The following FAM98C variants were observed in gnomAD, a reference collection of about 807,000 sequenced individuals.
FAM98C encodes tRNA splicing ligase complex subunit 3C.
Under a neutral mutation model 41.1 loss-of-function variants are expected in FAM98C, and 38 were observed. The ratio of observed to expected loss-of-function variants is 0.92; its 90% CI spans 0.71 to 1.21. The LOEUF (loss-of-function observed/expected upper bound fraction) is 1.21. Ranked by LOEUF, FAM98C falls within the 50% of genes most tolerant of loss-of-function variation. The pLI is 0.00. For synonymous variants in FAM98C, 195 were observed against 216.7 expected, an observed-to-expected ratio of 0.90 and a Z score of 0.88; for missense variants, 493 against 484.7, an observed-to-expected ratio of 1.02 and a Z score of -0.16.
In FAM98C at chr19:38,403,493, A is replaced by G; in HGVS notation, c.214+7A>G. 5 of 1,409,328 alleles carry G rather than the reference A, an allele frequency of 3.5e-6. No homozygotes were observed. The highest frequency in any genetic ancestry group is 4.6e-6 in the Non-Finnish European group (5 of 1,091,874). The allele number at this position is 1,409,328 out of a possible 1,614,324, so 87.3% of individuals were successfully genotyped here. On this transcript the variant is annotated splice_region_variant and intron_variant, in intron 2 of 7. Coordinates refer to ENST00000252530, the MANE Select transcript of FAM98C (RefSeq NM_174905.4). ...GTGCTGAGCGCCGGCGACGGTAAAC[A>G]CGGAGCGGGAGGGTGGCAGGGGGGC...
rs3745957 is a variant in FAM98C, at chr19:38,403,216, G to T, written c.63G>T (p.Leu21=). Residue 21 remains leucine, a splice_region_variant and synonymous_variant, in exon 1 of 8, where the codon CTG becomes CTT. Coordinates refer to ENST00000252530, the MANE Select transcript of FAM98C (RefSeq NM_174905.4). ...CGGTGGCCCAGGACCTGCTGGCTCTGGGGTAAAAGGGTGTGCGGTGAGGCT... is the reference window on the plus strand; with the variant it reads ...CGGTGGCCCAGGACCTGCTGGCTCTTGGGTAAAAGGGTGTGCGGTGAGGCT... ...GAAVAQDLLA[L]GYGGVPGAAS... 4 of 1,557,872 alleles carry T rather than the reference G, an allele frequency of 2.6e-6. No individual in the cohort carries two copies. The highest frequency in any genetic ancestry group is 2.6e-6 in the Non-Finnish European group (3 of 1,159,604).
Position 38,408,792 on chromosome 19 carries a change from T to G in FAM98C, c.960T>G (p.Asn320Lys). Residue 320 changes from asparagine (N) to lysine (K), a missense_variant, in exon 8 of 8, where the codon AAT becomes AAG. Transcript: ENST00000252530. ...TTCCAGACCGGGGGGGCCGCCCAAA[T>G]GAGCTGGAGCCTCCCATGCCCACCT... ...GNVPDRGGRP[N>K]ELEPPMPTWR... The G allele has an allele frequency of 6.2e-7, 1 of 1,613,576 alleles. No individual in the cohort carries two copies.
In FAM98C at chr19:38,403,633, G is replaced by T. The variant is rs756481843; in HGVS notation, c.288G>T (p.Ala96=). 4.9e-6 allele frequency: 7 copies of T among 1,442,958 alleles called. No individual in the cohort carries two copies. The East Asian group carries it at 1.7e-4, about 36-fold the overall frequency. The allele number at this position is 1,442,958 out of a possible 1,614,324, so 89.4% of individuals were successfully genotyped here. A position where few individuals can be genotyped will look rare whatever the true frequency, so the allele number is the denominator to read the frequency against. ...LLRELHCPDR[A]LCGGDGAAAL... is the part of the protein sequence containing the mutation. Reference sequence around the variant, plus strand: ...GGGAGCTGCACTGCCCGGATCGCGCGCTCTGCGGCGGGGATGGCGCGGCTG... The same window carrying T: ...GGGAGCTGCACTGCCCGGATCGCGCTCTCTGCGGCGGGGATGGCGCGGCTG... The change falls in exon 3 of 8, where the codon GCG becomes GCT. Residue 96 remains alanine, a synonymous_variant. Transcript: ENST00000252530.
chr19:38,409,088 G>A, downstream of FAM98C: 1 of 450,720 alleles, frequency 2.2e-6, no homozygotes, highest in South Asian at 3.9e-5. Flanking sequence ...TATGACAGCT[G>A]TAGGACCTCT....
At chr19:38,406,198 G>A (rs569480765) in intron 6 of FAM98C, 13 of 146,670 alleles carry the variant, frequency 8.9e-5, no homozygotes, top group African/African-American at 3.3e-4. Flanking sequence ...TTTTGCTTTT[G>A]TTGGCCACGC....
At position 38,403,220 on chromosome 19, in the gene FAM98C, TA is replaced by T. The variant is rs1303024964; in HGVS notation, c.65+6del. On this transcript the variant is annotated splice_donor_region_variant and intron_variant, in intron 1 of 7. Coordinates refer to ENST00000252530, the MANE Select transcript of FAM98C (RefSeq NM_174905.4). ...GGCCCAGGACCTGCTGGCTCTGGGG[TA>T]AAAGGGTGTGCGGTGAGGCTGGTGG... 8 of 1,557,224 alleles carry T rather than the reference TA, an allele frequency of 5.1e-6. No individual in the cohort carries two copies. Among genetic ancestry groups the T allele is most frequent in the Admixed American group, 3.9e-5 (2 of 51,634 alleles).
chr19:38,403,338 G>T lies in FAM98C; in HGVS notation c.66G>T (p.Gly22=). The change falls in exon 2 of 8, where the codon GGG becomes GGT. Residue 22 remains glycine, a splice_region_variant and synonymous_variant. Transcript: ENST00000252530. ...CCTCCCGCTGCCTCGGTCCCCACAG[G>T]TATGGAGGTGTCCCGGGGGCGGCGT... ...AAVAQDLLAL[G]YGGVPGAASR... 6.7e-7 allele frequency: 1 copy of T among 1,482,888 alleles called. No individual in the cohort carries two copies. Among genetic ancestry groups the T allele is most frequent in the Non-Finnish European group, 8.8e-7 (1 of 1,131,830 alleles). The allele number at this position is 1,482,888 out of a possible 1,614,324, so 91.9% of individuals were successfully genotyped here.
rs534949999 is a variant in FAM98C at position 38,407,186 on chromosome 19, A to G, written c.918+109A>G. ...ACTTACCACCTCTAATCCACCCACTAGACATGGCAGCTAGAAGGACCTCGC... is the reference window on the plus strand; with the variant it reads ...ACTTACCACCTCTAATCCACCCACTGGACATGGCAGCTAGAAGGACCTCGC... On this transcript the variant is annotated intron_variant, in intron 7 of 7. Coordinates refer to ENST00000252530, the MANE Select transcript of FAM98C (RefSeq NM_174905.4). 2.3e-6 allele frequency: 3 copies of G among 1,317,468 alleles called. No homozygotes were observed. The African/African-American group carries it at 4.3e-5, about 19-fold the overall frequency. 81.6% of individuals were successfully genotyped at this position (1,317,468 alleles called of 1,614,324 possible). A position where few individuals can be genotyped will look rare whatever the true frequency, so the allele number is the denominator to read the frequency against.
chr19:38,408,820 A>G lies in FAM98C; in HGVS notation c.988A>G (p.Arg330Gly). The change falls in exon 8 of 8, where the codon AGG (arginine) becomes GGG (glycine). Residue 330 changes from arginine (R) to glycine (G), a missense_variant. Transcript: ENST00000252530. ...NELEPPMPTW[R>G]SRREDGGPQC... ...GCTGGAGCCTCCCATGCCCACCTGG[A>G]GGAGCCGAAGAGAGGATGGAGGCCC... 3 of 1,612,036 alleles carry G rather than the reference A, an allele frequency of 1.9e-6. No homozygotes were observed. Among genetic ancestry groups the G allele is most frequent in the Non-Finnish European group, 2.5e-6 (3 of 1,179,342 alleles).
In FAM98C at chr19:38,405,574, GCCT is replaced by G. The variant is rs137896913; in HGVS notation, c.697_699del (p.Leu233del). 920 of 1,614,188 alleles carry G rather than the reference GCCT, an allele frequency of 5.7e-4. 2 individuals carry two copies. In the African/African-American group the frequency reaches 0.011, roughly 19 times the overall value. The stretch of plus-strand genomic sequence containing the variant: ...AGAGATCAGTACCGCTGCCGCCGCT[GCCT>G]CCTCCTCAAGCGCCTTGACCTCACT... On this transcript the variant is annotated inframe_deletion, in exon 6 of 8. Coordinates refer to ENST00000252530, the MANE Select transcript of FAM98C (RefSeq NM_174905.4).
chr19:38,403,267 C>A, intron 1 of FAM98C, 49 bp downstream of exon 1: 1 of 1,532,050 alleles, frequency 6.5e-7, no homozygotes. Flanking sequence ...GCCAGGTCTG[C>A]CCCCTGGACG....
In FAM98C at chr19:38,405,060, A is replaced by C. The variant is rs1307251658; in HGVS notation, c.502A>C (p.Arg168=). 3 of 1,613,054 alleles carry C rather than the reference A, an allele frequency of 1.9e-6. No homozygotes were observed. The highest frequency in any genetic ancestry group is 1.7e-6 in the Non-Finnish European group (2 of 1,179,340). The part of the protein sequence containing the change: ...DLTLQALGLP[R]PAPGTPASQL... ...TACCCTCCAAGCCCTGGGGCTGCCC[A>C]GACCTGCACCAGGGACCCCCGCCAG... The change falls in exon 4 of 8, where the codon AGA becomes CGA. Residue 168 remains arginine, a synonymous_variant. Transcript: ENST00000252530.
At chr19:38,408,248 T>A (rs1600532797) in intron 7 of FAM98C, 1 of 140,134 alleles carries the variant, frequency 7.1e-6, no homozygotes, top group East Asian at 2.1e-4. Context: ...GGCGACTCTG[T>A]CTCAAAAAAA....
In FAM98C at chr19:38,406,988, C is replaced by G; in HGVS notation, c.829C>G (p.His277Asp). The change falls in exon 7 of 8, where the codon CAC (histidine) becomes GAC (aspartate). Residue 277 changes from histidine (H) to aspartate (D), a missense_variant. Coordinates refer to ENST00000252530, the MANE Select transcript of FAM98C (RefSeq NM_174905.4). ...CCCAGAATCGGACATCTCCATTGCA[C>G]ACGTTCTGGCTGCCCGAGCCGACCT... ...LTPESDISIA[H>D]VLAARADLSC... The G allele has an allele frequency of 6.2e-7, 1 of 1,614,192 alleles. No individual in the cohort carries two copies. Among genetic ancestry groups the G allele is most frequent in the Non-Finnish European group, 8.5e-7 (1 of 1,180,038 alleles).
intron 4 of FAM98C, 61 bp downstream of exon 4, chr19:38,405,174 T>A (rs1383896625): frequency 1.3e-6 from 2 of 1,557,544 alleles, no homozygotes; most frequent in African/African-American, 2.7e-5. Flanking sequence ...GGGGTGGGGG[T>A]CCTCTCTCCA....
intron 6 of FAM98C, 46 bp from the exon 7 acceptor site, chr19:38,406,864 G>A (rs1215038244): frequency 6.3e-7 from 1 of 1,588,998 alleles, no homozygotes; most frequent in Admixed American, 1.7e-5. Flanking sequence ...GGTCCCACGT[G>A]GGGAAGGGCT....
chr19:38,406,941 TC>T lies in FAM98C; in HGVS notation c.785del (p.Pro262GlnfsTer6). The T allele has an allele frequency of 6.2e-7, 1 of 1,614,146 alleles. No individual in the cohort carries two copies. ...GGAGAGGCCATGAGGGCAGTGCTGA[TC>T]CCAATTCGAGAGGTTCTGACCCCAG... ...AQGEAMRAVL[I>X]PIREVLTPES... On this transcript the variant is annotated frameshift_variant, in exon 7 of 8. Transcript: ENST00000252530. LOFTEE classifies it high-confidence loss of function.
At chr19:38,403,912 A>G (rs1040004577) in intron 3 of FAM98C, among the ~76,000 whole-genome samples, 4 of 152,072 alleles carry the variant, frequency 2.6e-5, no homozygotes, top group African/African-American at 9.6e-5. Flanking sequence ...TATTATTATT[A>G]TTTTTGAGAT....
rs1417953642 is a variant in FAM98C at position 38,404,939 on chromosome 19, C to T, written c.381C>T (p.Arg127=). 6 of 1,614,062 alleles carry T rather than the reference C, an allele frequency of 3.7e-6. No individual in the cohort carries two copies. Among genetic ancestry groups the T allele is most frequent in the Admixed American group, 1.7e-5 (1 of 60,006 alleles). ...TCTGCTCAGAGCTCCAAGCCACCCG[C>T]CTCCTGTGCCTCCGCTCTCTGCTGG... The part of the protein sequence containing the change: ...RFLCSELQAT[R]LLCLRSLLDP... The change falls in exon 4 of 8, where the codon CGC becomes CGT. Residue 127 remains arginine, a synonymous_variant. Coordinates refer to ENST00000252530, the MANE Select transcript of FAM98C (RefSeq NM_174905.4).
Sources: gnomAD v4.1 joint callset for allele counts (sites outside exome capture counted in the v4.1 genomes callset) on GRCh38, gnomAD v4.1.1 for gene constraint, MANE v1.5 for transcripts, NCBI Gene and HGNC (gene_info 2026-07-23, HGNC 2026-07-21) for gene names.